The following PPP1R14C variants were observed in gnomAD, a reference collection of about 807,000 sequenced individuals.
PPP1R14C encodes the protein protein phosphatase 1 regulatory subunit 14C.
Under a neutral mutation model 20.4 loss-of-function variants are expected in PPP1R14C, and 16 were observed. That is an observed-to-expected ratio of 0.78 (90% CI 0.53 to 1.19). The LOEUF (loss-of-function observed/expected upper bound fraction) is 1.19. Among genes scored for constraint, PPP1R14C ranks in the 50% most tolerant of loss-of-function variants. The pLI is 0.00. For missense variants in PPP1R14C, 211 were observed against 220.1 expected (o/e 0.96, Z 0.26); for synonymous variants, 91 against 91.0 (o/e 1.00, Z 0.00).
Position 150,216,926 on chromosome 6 carries a change from A to C in PPP1R14C, c.423+70A>C. The C allele has an allele frequency of 2.4e-6, 3 of 1,274,206 alleles. No homozygotes were observed. In the South Asian group the frequency reaches 3.9e-5, roughly 16 times the overall value. The allele number at this position is 1,274,206 out of a possible 1,614,324, so 78.9% of individuals were successfully genotyped here. On this transcript the variant is annotated intron_variant, in intron 3 of 3. Coordinates refer to ENST00000361131, the MANE Select transcript of PPP1R14C (RefSeq NM_030949.3). ...TATTAAATCAATTTGTCTATTTTTA[A>C]AGCAAACCACAATAAGTAGGTTTGA...
At chr6:150,204,507 T>G (rs781125955) in intron 1 of PPP1R14C, among the ~76,000 whole-genome samples, 2 of 152,208 alleles carry the variant, frequency 1.3e-5, no homozygotes, top group Non-Finnish European at 2.9e-5. Context: ...CATGGAATAT[T>G]TATTTATTTG....
rs1171561182 is a variant in PPP1R14C, at chr6:150,165,220, A to G, written c.306+21722A>G. Among the ~76,000 whole-genome samples, 4 of 152,362 alleles carry G rather than the reference A, an allele frequency of 2.6e-5. No homozygotes were observed. In the East Asian group the frequency reaches 7.7e-4, roughly 29 times the overall value. The stretch of plus-strand genomic sequence containing the variant: ...CTTTCTGTCTTGCTCACTATACTCC[A>G]TCTTCATTTCCTGGCAGTGGCCCCT... On this transcript the variant is annotated intron_variant, in intron 1 of 3. Coordinates refer to ENST00000361131, the MANE Select transcript of PPP1R14C (RefSeq NM_030949.3).
intron 3 of PPP1R14C, among the ~76,000 whole-genome samples, chr6:150,242,328 T>C (rs1021776901): frequency 2.6e-5 from 1 of 39,200 alleles, no homozygotes; most frequent in Non-Finnish European, 4.4e-5. Flanking sequence ...AGAAAAGAAA[T>C]GTACAGACAA....
At chr6:150,189,915 T>G (rs1371858873) in intron 1 of PPP1R14C, among the ~76,000 whole-genome samples, 4 of 151,958 alleles carry the variant, frequency 2.6e-5, no homozygotes, top group Non-Finnish European at 5.9e-5. Flanking sequence ...CATAAATCTG[T>G]CCCCCAACCC....
intron 3 of PPP1R14C, among the ~76,000 whole-genome samples, chr6:150,240,002 C>T (rs997082051): frequency 6.6e-6 from 1 of 151,808 alleles, no homozygotes; most frequent in Non-Finnish European, 1.5e-5. Context: ...TGCAGTGAGC[C>T]GAGATTGTGC....
intron 3 of PPP1R14C, among the ~76,000 whole-genome samples, chr6:150,243,420 G>A (rs1208970483): frequency 6.6e-6 from 1 of 151,874 alleles, no homozygotes; most frequent in African/African-American, 2.4e-5. Flanking sequence ...TCAGGCGATT[G>A]AACCACCTCG....
intron 1 of PPP1R14C, among the ~76,000 whole-genome samples, chr6:150,165,820 C>A (rs541403084): frequency 2.7e-4 from 41 of 152,214 alleles, no homozygotes; most frequent in Non-Finnish European, 4.3e-4. Context: ...AAACAAAACC[C>A]TACAAAGAAA....
rs554697967 is a variant in PPP1R14C, at chr6:150,170,975, AG to A, written c.306+27479del. Among the ~76,000 whole-genome samples the A allele has an allele frequency of 7.9e-5, 12 of 152,200 alleles. No homozygotes were observed. In the South Asian group the frequency reaches 2.5e-3, roughly 32 times the overall value. ...GTTTTAGATTCACAGTAAAATTGAG[AG>A]GAAGGTACCTTTCCTATGTACTCTC... On this transcript the variant is annotated intron_variant, in intron 1 of 3. Coordinates refer to ENST00000361131, the MANE Select transcript of PPP1R14C (RefSeq NM_030949.3).
intron 1 of PPP1R14C, among the ~76,000 whole-genome samples, chr6:150,196,912 CTGT>C (rs1051972476): frequency 3.9e-5 from 6 of 152,166 alleles, no homozygotes; most frequent in African/African-American, 1.2e-4. Context: ...AGCTACAAAG[CTGT>C]TGTTGTAAAG....
intron 3 of PPP1R14C, among the ~76,000 whole-genome samples, chr6:150,230,187 C>T (rs1266452914): frequency 1.3e-5 from 2 of 152,216 alleles, no homozygotes; most frequent in Admixed American, 6.5e-5. Flanking sequence ...TGCCCATTTT[C>T]CTCACTCATC....
chr6:150,244,947 G>A (rs1282462377), intron 3 of PPP1R14C, among the ~76,000 whole-genome samples: 2 of 152,130 alleles, frequency 1.3e-5, no homozygotes, highest in African/African-American at 4.8e-5. Context: ...CCATGTTAAT[G>A]TTTTCAACCA....
intron 1 of PPP1R14C, among the ~76,000 whole-genome samples, chr6:150,198,994 C>A (rs929520887): frequency 2.8e-5 from 4 of 143,984 alleles, no homozygotes; most frequent in Admixed American, 2.7e-4. Flanking sequence ...AAGTGGTAGG[C>A]TTCTTCTTTT....
chr6:150,204,853 C>T (rs988250156), intron 1 of PPP1R14C, among the ~76,000 whole-genome samples: 11 of 152,152 alleles, frequency 7.2e-5, no homozygotes, highest in African/African-American at 1.4e-4. Flanking sequence ...CACGGGAAGT[C>T]GGAGGCTTCA....
At chr6:150,234,602 A>C (rs948929867) in intron 3 of PPP1R14C, among the ~76,000 whole-genome samples, 1 of 152,064 alleles carries the variant, frequency 6.6e-6, no homozygotes, top group Non-Finnish European at 1.5e-5. Context: ...TAATCCCAGC[A>C]CTTTGAGAGG....
intron 1 of PPP1R14C, among the ~76,000 whole-genome samples, chr6:150,161,777 T>C (rs895247314): frequency 5.9e-5 from 9 of 152,264 alleles, no homozygotes; most frequent in African/African-American, 1.9e-4. Context: ...CCTTTTCCCC[T>C]ATCCCCTTCA....
At chr6:150,152,604 C>T (rs1244660601) in intron 1 of PPP1R14C, among the ~76,000 whole-genome samples, 3 of 152,246 alleles carry the variant, frequency 2.0e-5, no homozygotes, top group East Asian at 3.9e-4. Flanking sequence ...CCCCCACTCC[C>T]TAGCTGTCTA....
At position 150,172,868 on chromosome 6, in the gene PPP1R14C, C is replaced by T. The variant is rs184524234; in HGVS notation, c.306+29370C>T. On this transcript the variant is annotated intron_variant, in intron 1 of 3. Coordinates refer to ENST00000361131, the MANE Select transcript of PPP1R14C (RefSeq NM_030949.3). ...CATGGCTGGATGTAGGTTACAAGGT[C>T]GCTCTCACAGTCAAGGTGTGAGCAA... Among the ~76,000 whole-genome samples, 123 of 152,152 alleles carry T rather than the reference C, an allele frequency of 8.1e-4. No homozygotes were observed. The East Asian group carries it at 0.018, about 23-fold the overall frequency.
chr6:150,190,957 A>G (rs1030086157), intron 1 of PPP1R14C, among the ~76,000 whole-genome samples: 2 of 152,038 alleles, frequency 1.3e-5, no homozygotes, highest in Non-Finnish European at 2.9e-5. Context: ...CTATGTCTTT[A>G]CACTGGTCTG....
chr6:150,171,608 C>T (rs1249667007), intron 1 of PPP1R14C, among the ~76,000 whole-genome samples: 1 of 152,146 alleles, frequency 6.6e-6, no homozygotes, highest in East Asian at 1.9e-4. Flanking sequence ...CTTCAGGCTG[C>T]AAACTGGGAC....
Sources: allele counts gnomAD v4.1 joint callset (sites outside exome capture counted in the v4.1 genomes callset), GRCh38; gene constraint gnomAD v4.1.1; transcripts MANE v1.5; gene names NCBI Gene and HGNC (gene_info 2026-07-23, HGNC 2026-07-21).